TTN: variants seen among roughly 807,000 people sequenced by gnomAD.
TTN encodes titin, also known as connectin.
Under a neutral mutation model 3,223.0 loss-of-function variants are expected in TTN, and 1,525 were observed. The ratio of observed to expected loss-of-function variants is 0.47; its 90% CI spans 0.45 to 0.49. The LOEUF is 0.49. TTN is among the 20% of genes least tolerant of loss of function. The pLI is 0.00. For missense variants in TTN, 40,786 were observed against 43,424.0 expected, an observed-to-expected ratio of 0.94 and a Z score of 5.40; for synonymous variants, 14,094 against 15,161.0, an observed-to-expected ratio of 0.93 and a Z score of 5.17.
At chr2:178,735,332 C>T (rs1199845579) in intron 50 of TTN, among the ~76,000 whole-genome samples, 179 bp downstream of exon 50, 5 of 152,136 alleles carry the variant, frequency 3.3e-5, no homozygotes, top group African/African-American at 1.2e-4. Flanking sequence ...GTTAAGTGAA[C>T]TTTGAAGAGG....
chr2:178,651,155 G>C (rs1285763912), intron 208 of TTN, 88 bp downstream of exon 208: 3 of 1,093,396 alleles, frequency 2.7e-6, no homozygotes, highest in South Asian at 3.2e-5. Flanking sequence ...GCAAATTTAA[G>C]AGGACTCGCA....
At position 178,537,013 on chromosome 2, in the gene TTN, C is replaced by T. The variant is rs55675869; in HGVS notation, c.100096G>A (p.Val33366Ile). ...ATGCCGAAAGTGTTCTGAGCTGAAA[C>T]CCGGAAGTAATAGCCAGCATTTTCT... ...LTENAGYYFRVSAQNTFGISD... is the reference protein window; with the variant it reads ...LTENAGYYFRISAQNTFGISD... Residue 33366 changes from valine to isoleucine, a missense_variant, in exon 356 of 363, where the codon GTT becomes ATT. Coordinates refer to ENST00000589042, the MANE Select transcript of TTN (RefSeq NM_001267550.2). The T allele has an allele frequency of 0.024, 38,082 of 1,613,222 alleles. 584 individuals are homozygous for T. Among genetic ancestry groups the T allele is most frequent in the East Asian group, 0.064 (2,868 of 44,826 alleles).
rs571675433 is a variant in TTN at position 178,725,497 on chromosome 2, T to C, written c.20707A>G (p.Ile6903Val). Residue 6903 changes from isoleucine (I) to valine (V), a missense_variant, in exon 71 of 363, where the codon ATT (isoleucine) becomes GTT (valine). Transcript: ENST00000589042. ...EVIRESENIR[I>V]TFVENVATLQ... ...GTTGCAACATTTTCCACAAATGTAATCCTGATGTTTTCACTTTCTCTAATC... is the reference window on the plus strand; with the variant it reads ...GTTGCAACATTTTCCACAAATGTAACCCTGATGTTTTCACTTTCTCTAATC... The C allele has an allele frequency of 1.7e-5, 28 of 1,613,470 alleles. No homozygotes were observed. In the South Asian group the frequency reaches 3.0e-4, roughly 17 times the overall value.
rs753301084 is a variant in TTN, at chr2:178,530,928, T to A, written c.105687A>T (p.Thr35229=). 11 of 1,614,034 alleles carry A rather than the reference T, an allele frequency of 6.8e-6. 1 individual carries two copies. The South Asian group carries it at 1.2e-4, about 18-fold the overall frequency. Residue 35229 remains threonine, a synonymous_variant, in exon 358 of 363, where the codon ACA becomes ACT. Transcript: ENST00000589042. ...QKARVTEKAV[T]SPPRVKSPEP... The stretch of plus-strand genomic sequence containing the variant: ...CTGGGGATTTGACTCTTGGTGGTGA[T>A]GTCACAGCCTTTTCAGTTACCCTGG...
rs146496197 is a variant in TTN at position 178,776,196 on chromosome 2, G to A, written c.5668C>T (p.Arg1890Cys). The A allele has an allele frequency of 3.3e-4, 526 of 1,614,070 alleles. No homozygotes were observed. The highest frequency in any genetic ancestry group is 2.7e-3 in the African/African-American group (200 of 75,024). Residue 1890 changes from arginine to cysteine, a missense_variant, in exon 28 of 363, where the codon CGC (arginine) becomes TGC (cysteine). Transcript: ENST00000589042. ...LIRKSKRFRVRYDGIHYLDIV... is the reference protein window; with the variant it reads ...LIRKSKRFRVCYDGIHYLDIV... Reference sequence around the variant, plus strand: ...TCCAGGTAATGGATACCATCATAGCGAACTCTGAACCTTTTGCTTTTGCGG... The same window carrying A: ...TCCAGGTAATGGATACCATCATAGCAAACTCTGAACCTTTTGCTTTTGCGG...
chr2:178,677,455 G>T, intron 146 of TTN, 166 bp downstream of exon 146: 1 of 730,894 alleles, frequency 1.4e-6, no homozygotes, highest in Non-Finnish European at 2.0e-6. Context: ...AGATACACAA[G>T]GCAGATACAC....
At position 178,568,570 on chromosome 2, in the gene TTN, T is replaced by C. The variant is rs748608482; in HGVS notation, c.77562A>G (p.Thr25854=). The C allele has an allele frequency of 1.9e-6, 3 of 1,613,450 alleles. No individual in the cohort carries two copies. The highest frequency in any genetic ancestry group is 1.1e-5 in the South Asian group (1 of 91,070). Residue 25854 remains threonine, a synonymous_variant, in exon 326 of 363, where the codon ACA becomes ACG. Coordinates refer to ENST00000589042, the MANE Select transcript of TTN (RefSeq NM_001267550.2). ...CCTTATGAGTTTCTTTAATACTGAG[T>C]GTGGTGAGATCCAGTGAATCGGTAA... The part of the protein sequence containing the change: ...INVTDSLDLT[T]LSIKETHKDD...
At chr2:178,685,043 C>T (rs1180559424) in intron 129 of TTN, 54 bp from the exon 130 acceptor site, 1 of 1,415,074 alleles carries the variant, frequency 7.1e-7, no homozygotes, top group Non-Finnish European at 9.8e-7. Context: ...TGAAGTGACA[C>T]AGTTGTGGGG....
Position 178,585,200 on chromosome 2 carries a change from A to G in TTN, c.64544T>C (p.Val21515Ala), listed in dbSNP as rs1443712213. The G allele has an allele frequency of 6.2e-7, 1 of 1,613,366 alleles. No individual in the cohort carries two copies. The highest frequency in any genetic ancestry group is 2.2e-5 in the East Asian group (1 of 44,820). Residue 21515 changes from valine to alanine, a missense_variant, in exon 309 of 363, where the codon GTG becomes GCG. Physicochemically the swap from Val to Ala is moderately conservative, Grantham distance 64. Transcript: ENST00000589042. ...DEVVTSSHLA[V>A]HKADSSSILI... ...AATTGAAGAGCTGTCTGCTTTATGC[A>G]CTGCCAGGTGGCTGGATGTGACAAC...
chr2:178,633,296 T>C lies in TTN; in HGVS notation c.42977A>G (p.Tyr14326Cys), dbSNP rs1161910175. 2 of 1,613,030 alleles carry C rather than the reference T, an allele frequency of 1.2e-6. No individual in the cohort carries two copies. Among genetic ancestry groups the C allele is most frequent in the Non-Finnish European group, 1.7e-6 (2 of 1,179,460 alleles). The stretch of plus-strand genomic sequence containing the variant: ...TTCACCAACAAACACCTCTACTCCG[T>C]ACAGAGGCTTTTCCACTTTTATTAG... Reference protein sequence around the residue: ...ARLIKVEKPLYGVEVFVGETA... With the variant: ...ARLIKVEKPLCGVEVFVGETA... The change falls in exon 233 of 363, where the codon TAC becomes TGC. Residue 14326 changes from tyrosine (Y) to cysteine (C), a missense_variant. Physicochemically the swap from Tyr to Cys is radical, Grantham distance 194. Coordinates refer to ENST00000589042, the MANE Select transcript of TTN (RefSeq NM_001267550.2).
chr2:178,799,391 C>T (rs983625338), intron 6 of TTN, 96 bp downstream of exon 6: 24 of 1,589,018 alleles, frequency 1.5e-5, no homozygotes, highest in Non-Finnish European at 2.0e-5. Flanking sequence ...CCACTCTCCG[C>T]GTCGCATGCC....
intron 13 of TTN, among the ~76,000 whole-genome samples, chr2:178,786,862 C>G (rs146162464): frequency 1.2e-4 from 19 of 152,022 alleles, no homozygotes; most frequent in African/African-American, 2.7e-4. Context: ...AATTTACTTT[C>G]ATTATTATGG....
At chr2:178,781,762 T>G (rs1209835043) in intron 20 of TTN, among the ~76,000 whole-genome samples, 1 of 152,200 alleles carries the variant, frequency 6.6e-6, no homozygotes, top group East Asian at 1.9e-4. Flanking sequence ...AGAGCTAAAT[T>G]TTATATTGAA....
At chr2:178,624,216 T>C (rs985472218) in intron 242 of TTN, among the ~76,000 whole-genome samples, 1 of 151,978 alleles carries the variant, frequency 6.6e-6, no homozygotes, top group Non-Finnish European at 1.5e-5. Flanking sequence ...TACTCACTAC[T>C]CAGTGAGAGA....
At chr2:178,706,994 C>G in intron 100 of TTN, 40 bp from the exon 101 acceptor site, 3 of 1,535,660 alleles carry the variant, frequency 2.0e-6, no homozygotes, top group Non-Finnish European at 2.7e-6. Flanking sequence ...ACAATCACCT[C>G]AGAATTACAA....
At chr2:178,752,533 T>A (rs534808682) in intron 47 of TTN, among the ~76,000 whole-genome samples, 1 of 152,020 alleles carries the variant, frequency 6.6e-6, no homozygotes, top group Non-Finnish European at 1.5e-5. Context: ...TTATTCGAAC[T>A]AATACAGCCA....
chr2:178,591,421 T>C lies in TTN; in HGVS notation c.60304A>G (p.Ile20102Val), dbSNP rs755647048. The change falls in exon 304 of 363, where the codon ATA (isoleucine) becomes GTA (valine). Residue 20102 changes from isoleucine to valine, a missense_variant. Ile to Val is a conservative substitution (Grantham distance 29). Coordinates refer to ENST00000589042, the MANE Select transcript of TTN (RefSeq NM_001267550.2). ...GCAGTAGGAACAGGCACACCTCTTA[T>C]AATAGCAGGGAATCTGACTGTGGTT... ...AGTTVRFPAIIRGVPVPTAKW... is the reference protein window; with the variant it reads ...AGTTVRFPAIVRGVPVPTAKW... 8 of 1,608,456 alleles carry C rather than the reference T, an allele frequency of 5.0e-6. No individual in the cohort carries two copies. The highest frequency in any genetic ancestry group is 5.9e-6 in the Non-Finnish European group (7 of 1,177,462).
In TTN at chr2:178,534,795, A is replaced by G. The variant is rs2154136208; in HGVS notation, c.101820T>C (p.Ile33940=). 1 of 1,612,368 alleles carries G rather than the reference A, an allele frequency of 6.2e-7. No individual in the cohort carries two copies. The highest frequency in any genetic ancestry group is 2.2e-5 in the East Asian group (1 of 44,870). ...LHSHNIGHFD[I]RPENIIYQTR... ...TTTGGTAAATGATATTTTCTGGTCT[A>G]ATGTCAAAGTGTCCAATATTATGAC... The change falls in exon 358 of 363, where the codon ATT becomes ATC. Residue 33940 remains isoleucine, a synonymous_variant. Transcript: ENST00000589042.
rs757425897 is a variant in TTN at position 178,611,969 on chromosome 2, A to G, written c.50355-15T>C. On this transcript the variant is annotated splice_polypyrimidine_tract_variant and intron_variant, in intron 267 of 362. Transcript: ENST00000589042. ...CAATGACATATCTATTGAAACAACA[A>G]AGCATTTCATTAGCATTAATGAAAA... 2.9e-5 allele frequency: 47 copies of G among 1,607,976 alleles called. No homozygotes were observed. The highest frequency in any genetic ancestry group is 5.1e-5 in the Admixed American group (3 of 58,716).
Sources: allele counts gnomAD v4.1 joint callset (sites outside exome capture counted in the v4.1 genomes callset), GRCh38; gene constraint gnomAD v4.1.1; transcripts MANE v1.5; gene names NCBI Gene and HGNC (gene_info 2026-07-23, HGNC 2026-07-21).